The following GLIPR2 variants were observed in gnomAD, a reference collection of about 807,000 sequenced individuals.
The protein encoded by GLIPR2 is Golgi-associated plant pathogenesis-related protein 1.
Under a neutral mutation model 20.4 loss-of-function variants are expected in GLIPR2, and 21 were observed. The ratio of observed to expected loss-of-function variants is 1.03; its 90% CI spans 0.73 to 1.48. The LOEUF (loss-of-function observed/expected upper bound fraction) is 1.48, where lower values mean the gene tolerates loss of function less well. Among genes scored for constraint, GLIPR2 ranks in the 40% most tolerant of loss-of-function variants. GLIPR2 has a pLI of 0.00. For missense variants in GLIPR2, 205 were observed against 200.1 expected (o/e 1.02, Z -0.15); for synonymous variants, 91 against 80.5 (o/e 1.13, Z -0.70).
rs1426068653 is a variant in GLIPR2, at chr9:36,157,182, A to G, written c.305-5180A>G. On this transcript the variant is annotated intron_variant, in intron 4 of 4. Transcript: ENST00000377960. ...TAGGCACCCGCCATCATGCCCAGCT[A>G]ATTTTTTTTTTTTTTTTTTGTATTT... 1.0e-3 allele frequency among the ~76,000 whole-genome samples: 136 copies of G among 132,200 alleles called. 2 individuals are homozygous for G. The highest frequency in any genetic ancestry group is 3.1e-3 in the African/African-American group (108 of 34,912). 86.7% of individuals were successfully genotyped at this position (132,200 alleles called of 152,430 possible).
intron 1 of GLIPR2, among the ~76,000 whole-genome samples, chr9:36,146,903 C>T (rs1361603060): frequency 3.3e-5 from 5 of 152,128 alleles, no homozygotes; most frequent in African/African-American, 1.2e-4. Flanking sequence ...CTCCACAGTT[C>T]TGGGGTCTTG....
At chr9:36,161,113 C>G (rs997378457) in intron 4 of GLIPR2, among the ~76,000 whole-genome samples, 2 of 152,044 alleles carry the variant, frequency 1.3e-5, no homozygotes, top group African/African-American at 4.8e-5. Flanking sequence ...AGTCAGGAGG[C>G]TATTGCAATG....
intron 1 of GLIPR2, among the ~76,000 whole-genome samples, chr9:36,141,308 G>A (rs1161635846): frequency 1.2e-4 from 18 of 152,140 alleles, no homozygotes; most frequent in Non-Finnish European, 2.1e-4. Flanking sequence ...TCCCGGATCC[G>A]GCTTAAAGAG....
At chr9:36,145,105 C>A (rs919922939) in intron 1 of GLIPR2, 1 of 152,260 alleles carries the variant, frequency 6.6e-6, no homozygotes, top group Non-Finnish European at 1.5e-5. Context: ...CTGCCACTAC[C>A]CACAGCCAGT....
chr9:36,156,545 C>T (rs937044064), intron 4 of GLIPR2, among the ~76,000 whole-genome samples: 4 of 152,168 alleles, frequency 2.6e-5, no homozygotes, highest in Non-Finnish European at 5.9e-5. Context: ...TTCTTTTCAT[C>T]TTCACAGATT....
intron 3 of GLIPR2, among the ~76,000 whole-genome samples, chr9:36,149,595 C>T (rs1825494139): frequency 6.6e-6 from 1 of 152,352 alleles, no homozygotes; most frequent in East Asian, 1.9e-4. Context: ...CCTCGCACAG[C>T]CTCCCTCGGG....
intron 4 of GLIPR2, among the ~76,000 whole-genome samples, chr9:36,161,536 G>A (rs1328849971): frequency 6.6e-6 from 1 of 152,010 alleles, no homozygotes; most frequent in African/African-American, 2.4e-5. Context: ...TTGAGCCCTG[G>A]GAAGTGTGGG....
At chr9:36,137,162 C>T (rs988854051) in intron 1 of GLIPR2, among the ~76,000 whole-genome samples, 2 of 152,136 alleles carry the variant, frequency 1.3e-5, no homozygotes, top group African/African-American at 4.8e-5. Context: ...CTCGGCTGTC[C>T]CGAGGACAGC....
At chr9:36,145,923 G>T (rs1004257618) in intron 1 of GLIPR2, among the ~76,000 whole-genome samples, 1 of 152,044 alleles carries the variant, frequency 6.6e-6, no homozygotes, top group Non-Finnish European at 1.5e-5. Context: ...CCTTGACTTT[G>T]CCCTTTCTGA....
intron 1 of GLIPR2, among the ~76,000 whole-genome samples, chr9:36,145,419 C>A (rs1246501020): frequency 6.6e-6 from 1 of 152,232 alleles, no homozygotes; most frequent in Non-Finnish European, 1.5e-5. Context: ...GTTTACAAGG[C>A]TGCCTCCCTT....
chr9:36,157,771 T>C (rs1419642576), intron 4 of GLIPR2, among the ~76,000 whole-genome samples: 1 of 151,680 alleles, frequency 6.6e-6, no homozygotes, highest in Non-Finnish European at 1.5e-5. Context: ...TCCTTTCACT[T>C]GTTGATGGAC....
At chr9:36,139,824 T>C (rs1289202187) in intron 1 of GLIPR2, among the ~76,000 whole-genome samples, 1 of 152,120 alleles carries the variant, frequency 6.6e-6, no homozygotes, top group Non-Finnish European at 1.5e-5. Flanking sequence ...CTCCCAGCTG[T>C]GGTTTCTCTG....
chr9:36,152,915 T>C (rs1200443792), intron 4 of GLIPR2, among the ~76,000 whole-genome samples: 5 of 123,800 alleles, frequency 4.0e-5, no homozygotes, highest in Non-Finnish European at 3.2e-5. Flanking sequence ...AAGACAGGCC[T>C]GGCCAACATG....
At chr9:36,145,192 C>G (rs139516590) in intron 1 of GLIPR2, among the ~76,000 whole-genome samples, 3 of 152,346 alleles carry the variant, frequency 2.0e-5, no homozygotes, top group Admixed American at 6.5e-5. Flanking sequence ...CAGAACTCAT[C>G]CAACTCACCC....
intron 4 of GLIPR2, 53 bp downstream of exon 4, chr9:36,151,002 G>C: frequency 8.1e-7 from 1 of 1,234,162 alleles, no homozygotes. Flanking sequence ...ATGCAGGTTG[G>C]GTGTCTGACT....
chr9:36,143,286 G>A (rs1426103127), intron 1 of GLIPR2, among the ~76,000 whole-genome samples: 1 of 152,078 alleles, frequency 6.6e-6, no homozygotes, highest in African/African-American at 2.4e-5. Context: ...CAGGATACAC[G>A]TGGTCCCTTC....
Position 36,148,591 on chromosome 9 carries a change from C to T in GLIPR2, c.167C>T (p.Pro56Leu), listed in dbSNP as rs113311950. ...AGCACGAGGATCCTCAAGCACAGCC[C>T]GGAGTCCAGCCGTGGCCAGTGTGGG... ...LASTRILKHS[P>L]ESSRGQCGEN... The change falls in exon 3 of 5, where the codon CCG (proline) becomes CTG (leucine). Residue 56 changes from proline to leucine, a missense_variant. Physicochemically the swap from Pro to Leu is moderately conservative, Grantham distance 98. Coordinates refer to ENST00000377960, the MANE Select transcript of GLIPR2 (RefSeq NM_022343.4). The T allele has an allele frequency of 1.3e-5, 21 of 1,613,984 alleles. No homozygotes were observed. The highest frequency in any genetic ancestry group is 1.7e-5 in the Admixed American group (1 of 60,008).
At position 36,163,314 on chromosome 9, in the gene GLIPR2, C is replaced by G. The variant is rs762836771; in HGVS notation, c.*792C>G. ...GCTAGGCCTGAAGCTCCCCCTCCCC[C>G]ACCTCTGCTAGGCAGCCCAGGCCTG... On this transcript the variant is annotated 3_prime_UTR_variant, in exon 5 of 5. Transcript: ENST00000377960. 1.6e-5 allele frequency: 3 copies of G among 191,438 alleles called. No homozygotes were observed. The highest frequency in any genetic ancestry group is 3.2e-5 in the Non-Finnish European group (3 of 92,442). 11.9% of individuals were successfully genotyped at this position (191,438 alleles called of 1,614,324 possible). A position where few individuals can be genotyped will look rare whatever the true frequency, so the allele number is the denominator to read the frequency against.
Position 36,147,798 on chromosome 9 carries a change from T to C in GLIPR2, c.26T>C (p.Phe9Ser), listed in dbSNP as rs1363612786. 1 of 1,525,402 alleles carries C rather than the reference T, an allele frequency of 6.6e-7. No homozygotes were observed. The highest frequency in any genetic ancestry group is 1.7e-5 in the Admixed American group (1 of 59,908). The allele number at this position is 1,525,402 out of a possible 1,614,324, so 94.5% of individuals were successfully genotyped here. A position where few individuals can be genotyped will look rare whatever the true frequency, so the allele number is the denominator to read the frequency against. The change falls in exon 2 of 5, where the codon TTT becomes TCT. Residue 9 changes from phenylalanine (F) to serine (S), a missense_variant. Transcript: ENST00000377960. MGKSASKQ[F>S]HNEVLKAHNE... is the part of the protein sequence containing the mutation. ...GCAATCATTCCAGCTTCCAAACAGT[T>C]TCATAATGAGGTCCTGAAGGCCCAC...
Sources: allele counts gnomAD v4.1 joint callset (sites outside exome capture counted in the v4.1 genomes callset), GRCh38; gene constraint gnomAD v4.1.1; transcripts MANE v1.5; gene names NCBI Gene and HGNC (gene_info 2026-07-23, HGNC 2026-07-21).